Variants in SYNE1 observed in about 807,000 individuals in gnomAD.
The protein encoded by SYNE1 is spectrin repeat containing nuclear envelope protein 1.
A neutral mutation model predicts 1,111.0 loss-of-function variants in SYNE1; 616 were observed. The ratio of observed to expected loss-of-function variants is 0.55; its 90% CI spans 0.52 to 0.59. SYNE1 has a LOEUF of 0.59. Among genes scored for constraint, SYNE1 ranks in the 20% least tolerant of loss-of-function variants. SYNE1 has a pLI of 0.00. For synonymous variants in SYNE1, 3,855 were observed against 3,825.8 expected (o/e 1.01, Z -0.28); for missense variants, 10,006 against 10,417.0 (o/e 0.96, Z 1.72).
At position 152,206,263 on chromosome 6, in the gene SYNE1, C is replaced by A. The variant is rs776115026; in HGVS notation, c.22924G>T (p.Ala7642Ser). ...LLSADSGAEA[A>S]LQAELAEIQE... ...ATTTCAGCGAGTTCGGCCTGCAAGG[C>A]GGCCTCAGCGCCACTGTCCGCCGAG... Residue 7642 changes from alanine (A) to serine (S), a missense_variant, in exon 126 of 146, where the codon GCC becomes TCC. Transcript: ENST00000367255. The A allele has an allele frequency of 1.9e-6, 3 of 1,613,920 alleles. No individual in the cohort carries two copies. The highest frequency in any genetic ancestry group is 1.1e-5 in the South Asian group (1 of 91,064).
At chr6:152,152,220 G>T in intron 133 of SYNE1, 79 bp from the exon 134 acceptor site, 1 of 1,268,520 alleles carries the variant, frequency 7.9e-7, no homozygotes, top group Non-Finnish European at 1.1e-6. Context: ...TCTTATTGTA[G>T]CGTCTGGGAG....
Position 152,484,927 on chromosome 6 carries a change from T to C in SYNE1, c.1093A>G (p.Ile365Val), listed in dbSNP as rs1442875239. ...TGTAATGGTTGTATTAAATGTTCAA[T>C]CTGTTTCCTCTTCATTTCATATTGA... The part of the protein sequence containing the change: ...RVQYEMKRKQ[I>V]EHLIQPLHRD... Residue 365 changes from isoleucine (I) to valine (V), a missense_variant, in exon 13 of 146, where the codon ATT (isoleucine) becomes GTT (valine). Transcript: ENST00000367255. 1 of 1,613,522 alleles carries C rather than the reference T, an allele frequency of 6.2e-7. No individual in the cohort carries two copies. The highest frequency in any genetic ancestry group is 8.5e-7 in the Non-Finnish European group (1 of 1,179,806).
chr6:152,628,441 T>C lies in SYNE1; in HGVS notation c.-110A>G. ...GGACTTTTCTAGATCTATTCTGTCA[T>C]AAATGAATTCCAGGCCTTTGCAGCA... On this transcript the variant is annotated 5_prime_UTR_variant, in exon 3 of 146. It removes an upstream start codon present in the reference 5' UTR. Transcript: ENST00000367255. 9.0e-7 allele frequency: 1 copy of C among 1,116,984 alleles called. No individual in the cohort carries two copies. The highest frequency in any genetic ancestry group is 1.4e-6 in the Non-Finnish European group (1 of 733,598). The allele number at this position is 1,116,984 out of a possible 1,614,324, so 69.2% of individuals were successfully genotyped here.
intron 143 of SYNE1, among the ~76,000 whole-genome samples, chr6:152,132,970 C>T (rs922371535): frequency 4.0e-5 from 6 of 151,232 alleles, no homozygotes; most frequent in African/African-American, 1.5e-4. Flanking sequence ...TCTACCATGG[C>T]TGTGTAATTA....
chr6:152,164,014 G>A lies in SYNE1; in HGVS notation c.23790+149C>T, dbSNP rs773989762. 8.6e-6 allele frequency: 9 copies of A among 1,052,280 alleles called. No homozygotes were observed. The Admixed American group carries it at 1.4e-4, about 17-fold the overall frequency. 65.2% of individuals were successfully genotyped at this position (1,052,280 alleles called of 1,614,324 possible). ...TGGAACCTGTTGGCCTCAATCGCCT[G>A]CCTAGGCAAAGCCCCCTTCCTCACC... On this transcript the variant is annotated intron_variant, in intron 131 of 145. Coordinates refer to ENST00000367255, the MANE Select transcript of SYNE1 (RefSeq NM_182961.4).
intron 33 of SYNE1, 114 bp downstream of exon 33, chr6:152,435,827 T>C: frequency 2.3e-6 from 3 of 1,322,030 alleles, no homozygotes; most frequent in South Asian, 1.3e-5. Context: ...CAAAACATGC[T>C]GAAATACACA....
intron 130 of SYNE1, among the ~76,000 whole-genome samples, chr6:152,164,851 G>C (rs2153032784): frequency 6.6e-6 from 1 of 152,238 alleles, no homozygotes; most frequent in East Asian, 1.9e-4. Flanking sequence ...CACCTAATTG[G>C]CACTGCTCAT....
At chr6:152,367,038 G>A in intron 62 of SYNE1, 180 bp downstream of exon 62, 1 of 767,082 alleles carries the variant, frequency 1.3e-6, no homozygotes, top group Non-Finnish European at 2.3e-6. Context: ...AACATCCGGG[G>A]TCAGATGATT....
rs537794828 is a variant in SYNE1, at chr6:152,455,511, C to A, written c.2807G>T (p.Arg936Leu). 1 of 1,614,132 alleles carries A rather than the reference C, an allele frequency of 6.2e-7. No individual in the cohort carries two copies. The highest frequency in any genetic ancestry group is 2.2e-5 in the East Asian group (1 of 44,872). Residue 936 changes from arginine (R) to leucine (L), a missense_variant, in exon 24 of 146, where the codon CGA (arginine) becomes CTA (leucine). Physicochemically the swap from Arg to Leu is moderately radical, Grantham distance 102. Transcript: ENST00000367255. ...CCGCAGTACCTTCTCCAACTCTGCT[C>A]GAGACTCCTCAAACTTCTTCATCAA... ...SRLMKKFEESRAELEKVLRIA... is the reference protein window; with the variant it reads ...SRLMKKFEESLAELEKVLRIA...
At chr6:152,167,717 G>T (rs762627469) in intron 130 of SYNE1, 25 of 531,248 alleles carry the variant, frequency 4.7e-5, no homozygotes, top group South Asian at 3.5e-4. Flanking sequence ...CTGTGAACCA[G>T]CTAAGGCTAA....
At chr6:152,563,299 T>A (rs1165015750) in intron 3 of SYNE1, among the ~76,000 whole-genome samples, 2 of 152,084 alleles carry the variant, frequency 1.3e-5, no homozygotes, top group South Asian at 2.1e-4. Context: ...TATAGCAACA[T>A]CTCTATAAAA....
Position 152,364,936 on chromosome 6 carries a change from A to G in SYNE1, c.10056T>C (p.Ser3352=), listed in dbSNP as rs140861713. ...TRGESVLQNT[S]PEGIPTIQQQ... ...GCTGAATAGTGGGAATGCCTTCTGGAGAAGTATTCTGAAGGACAGATTCTC... is the reference window on the plus strand; with the variant it reads ...GCTGAATAGTGGGAATGCCTTCTGGGGAAGTATTCTGAAGGACAGATTCTC... The change falls in exon 63 of 146, where the codon TCT becomes TCC. Residue 3352 remains serine, a synonymous_variant. Coordinates refer to ENST00000367255, the MANE Select transcript of SYNE1 (RefSeq NM_182961.4). The G allele has an allele frequency of 5.9e-3, 9,452 of 1,614,204 alleles. 39 individuals carry two copies. The highest frequency in any genetic ancestry group is 7.2e-3 in the Non-Finnish European group (8,485 of 1,180,028).
Position 152,281,866 on chromosome 6 carries a change from T to G in SYNE1, c.18322A>C (p.Thr6108Pro). ...WLLSTKATLD[T>P]ALSPPKEPMD... is the part of the protein sequence containing the mutation. ...GGCTCCTTGGGTGGACTCAGCGCAG[T>G]GTCCAGAGTGGCCTTGGTACTCAAG... is the stretch of plus-strand genomic sequence containing the variant. Residue 6108 changes from threonine to proline, a missense_variant, in exon 97 of 146, where the codon ACT becomes CCT. Around this residue, in one of 7 missense-constraint regions of SYNE1, gnomAD observed 99 missense variants for 147.8 expected, o/e 0.67. Coordinates refer to ENST00000367255, the MANE Select transcript of SYNE1 (RefSeq NM_182961.4). 1.2e-6 allele frequency: 2 copies of G among 1,614,192 alleles called. No homozygotes were observed. The highest frequency in any genetic ancestry group is 1.7e-6 in the Non-Finnish European group (2 of 1,180,020).
Position 152,330,350 on chromosome 6 carries a change from C to A in SYNE1, c.14335G>T (p.Ala4779Ser), listed in dbSNP as rs368490158. 1.3e-5 allele frequency: 21 copies of A among 1,614,142 alleles called. No homozygotes were observed. In the East Asian group the frequency reaches 4.7e-4, roughly 36 times the overall value. Residue 4779 changes from alanine to serine, a missense_variant, in exon 78 of 146, where the codon GCT becomes TCT. By Grantham distance (99) the Ala-to-Ser change is moderately conservative (BLOSUM62 1). Coordinates refer to ENST00000367255, the MANE Select transcript of SYNE1 (RefSeq NM_182961.4). ...CACATCTTCTCGTGTTCTTGGTAAGCACTGGTGGTGTCTTCTAATAAGCTA... is the reference window on the plus strand; with the variant it reads ...CACATCTTCTCGTGTTCTTGGTAAGAACTGGTGGTGTCTTCTAATAAGCTA... ...RVSLLEDTTS[A>S]YQEHEKMCQQ...
Position 152,310,420 on chromosome 6 carries a change from G to A in SYNE1, c.16995C>T (p.Leu5665=). Residue 5665 remains leucine (L), a synonymous_variant, in exon 89 of 146, where the codon CTC becomes CTT. Coordinates refer to ENST00000367255, the MANE Select transcript of SYNE1 (RefSeq NM_182961.4). ...CCTGCCGATGAGAGAGCTGCTCCTT[G>A]AGACTGAGACGTCCAACTTCTGGAG... ...LTSPEVGRLS[L]KEQLSHRQHL... 1 of 1,614,164 alleles carries A rather than the reference G, an allele frequency of 6.2e-7. No individual in the cohort carries two copies. The highest frequency in any genetic ancestry group is 1.1e-5 in the South Asian group (1 of 91,078).
At chr6:152,483,305 A>G in intron 13 of SYNE1, 56 bp from the exon 14 acceptor site, 1 of 1,468,112 alleles carries the variant, frequency 6.8e-7, no homozygotes, top group East Asian at 2.3e-5. Context: ...GCAATTTATA[A>G]AATTGCACCC....
chr6:152,233,994 TTAAA>T, intron 111 of SYNE1, 31 bp from the exon 112 acceptor site: 1 of 1,609,358 alleles, frequency 6.2e-7, no homozygotes, highest in Non-Finnish European at 8.5e-7. Context: ...CAAATTAGGG[TTAAA>T]TAGCTAGACC....
chr6:152,294,272 T>C, intron 93 of SYNE1, 145 bp from the exon 94 acceptor site: 3 of 803,952 alleles, frequency 3.7e-6, no homozygotes, highest in South Asian at 1.6e-5. Flanking sequence ...AGTAAACTCT[T>C]GTGACAAGAA....
chr6:152,218,857 C>T, intron 120 of SYNE1, 146 bp downstream of exon 120: 1 of 878,040 alleles, frequency 1.1e-6, no homozygotes, highest in South Asian at 1.5e-5. Context: ...ATCGTCCCCA[C>T]CAGAACTTCC....
Sources: allele counts gnomAD v4.1 joint callset (sites outside exome capture counted in the v4.1 genomes callset), GRCh38; gene constraint gnomAD v4.1.1; regional missense constraint gnomAD v4.1.1; transcripts MANE v1.5; gene names NCBI Gene and HGNC (gene_info 2026-07-23, HGNC 2026-07-21).